Variants in TERT observed in about 807,000 individuals in gnomAD.
The protein encoded by TERT is telomerase reverse transcriptase, also known as telomerase catalytic subunit.
Under a neutral mutation model 104.0 loss-of-function variants are expected in TERT, and 42 were observed. The observed-to-expected ratio is 0.40, with a 90% confidence interval of 0.32 to 0.52. The LOEUF (loss-of-function observed/expected upper bound fraction) is 0.52. Among genes scored for constraint, TERT ranks in the 20% least tolerant of loss-of-function variants. The probability of loss-of-function intolerance (pLI) is 0.43; values close to 1 mark genes in which losing one functional copy is unlikely to be tolerated. For synonymous variants in TERT, 781 were observed against 725.6 expected, an observed-to-expected ratio of 1.08 and a Z score of -1.23; for missense variants, 1,101 against 1,610.3, an observed-to-expected ratio of 0.68 and a Z score of 5.41.
In TERT at chr5:1,275,376, C is replaced by CAA. The variant is rs111367509; in HGVS notation, c.2287-3098_2287-3097dup. 5.3e-3 allele frequency among the ~76,000 whole-genome samples: 584 copies of CAA among 109,610 alleles called. 4 individuals carry two copies. Among genetic ancestry groups the CAA allele is most frequent in the African/African-American group, 0.018 (538 of 29,932 alleles). The allele number at this position is 109,610 out of a possible 152,430, so 71.9% of individuals were successfully genotyped here. On this transcript the variant is annotated intron_variant, in intron 6 of 15. Transcript: ENST00000310581. ...GCAAAAAAGAGCGAGACTCTGTTAT[C>CAA]AAAAAAAAAAAAAAAGAAAGAAAAA...
chr5:1,292,034 A>G lies in TERT; in HGVS notation c.1573+1279T>C, dbSNP rs895861355. Among the ~76,000 whole-genome samples the G allele has an allele frequency of 1.3e-5, 2 of 152,228 alleles. No individual in the cohort carries two copies. The highest frequency in any genetic ancestry group is 2.9e-5 in the Non-Finnish European group (2 of 68,038). On this transcript the variant is annotated intron_variant, in intron 2 of 15. Transcript: ENST00000310581. The surrounding 1 kb of genome is among the most constrained non-coding windows in gnomAD (Gnocchi z 5.5). Reference sequence around the variant, plus strand: ...CGCAGCATTTCAAGCAACCTGCTGTAAACACCGCCGAGTTAGCAATTCTGC... The same window carrying G: ...CGCAGCATTTCAAGCAACCTGCTGTGAACACCGCCGAGTTAGCAATTCTGC...
At chr5:1,291,213 G>A (rs1750914716) in intron 2 of TERT, among the ~76,000 whole-genome samples, 1 of 22,104 alleles carries the variant, frequency 4.5e-5, no homozygotes, top group Non-Finnish European at 7.7e-5. Flanking sequence ...ACGTGACAGG[G>A]ACACCTGGGG....
intron 11 of TERT, 123 bp downstream of exon 11, chr5:1,264,281 G>T: frequency 9.6e-7 from 1 of 1,041,306 alleles, no homozygotes; most frequent in Non-Finnish European, 1.4e-6. Context: ...GCACCCTGTG[G>T]CCTCTGACCC....
At chr5:1,272,140 C>T (rs1246426418) in intron 7 of TERT, 45 bp downstream of exon 7, 12 of 1,472,472 alleles carry the variant, frequency 8.1e-6, no homozygotes, top group Non-Finnish European at 1.1e-5. Flanking sequence ...GGGGAGGACC[C>T]ACTGCTGGGA....
At position 1,270,439 on chromosome 5, in the gene TERT, G is replaced by A. The variant is rs1018021919; in HGVS notation, c.2468+680C>T. Among the ~76,000 whole-genome samples, 2 of 152,184 alleles carry A rather than the reference G, an allele frequency of 1.3e-5. No individual in the cohort carries two copies. Among genetic ancestry groups the A allele is most frequent in the African/African-American group, 2.4e-5 (1 of 41,456 alleles). On this transcript the variant is annotated intron_variant, in intron 8 of 15. Coordinates refer to ENST00000310581, the MANE Select transcript of TERT (RefSeq NM_198253.3). This position sits in a 1 kb window ranked among gnomAD's most constrained non-coding sequence, Gnocchi z 8.3. ...CCAGGCACACACAGGGTCGCAGGCAGATGCCTGCCGGGAGGTGTGTGGTTT... is the reference window on the plus strand; with the variant it reads ...CCAGGCACACACAGGGTCGCAGGCAAATGCCTGCCGGGAGGTGTGTGGTTT...
In TERT at chr5:1,257,806, G is replaced by A. The variant is rs928019242; in HGVS notation, c.3032+792C>T. ...GGTAATTCGCGCAGCCTCGGCCCTG[G>A]GTAACACAAATGCTCACACTCCTTC... On this transcript the variant is annotated intron_variant, in intron 13 of 15. Transcript: ENST00000310581. This position sits in a 1 kb window ranked among gnomAD's most constrained non-coding sequence, Gnocchi z 5.6. Among the ~76,000 whole-genome samples the A allele has an allele frequency of 3.3e-5, 5 of 152,204 alleles. No homozygotes were observed. The highest frequency in any genetic ancestry group is 5.9e-5 in the Non-Finnish European group (4 of 68,040).
rs1455814390 is a variant in TERT at position 1,265,127 on chromosome 5, G to A, written c.2655-535C>T. Among the ~76,000 whole-genome samples the A allele has an allele frequency of 3.9e-5, 6 of 152,310 alleles. No individual in the cohort carries two copies. Among genetic ancestry groups the A allele is most frequent in the African/African-American group, 9.6e-5 (4 of 41,566 alleles). On this transcript the variant is annotated intron_variant, in intron 10 of 15. Transcript: ENST00000310581. The surrounding 1 kb of genome is among the most constrained non-coding windows in gnomAD (Gnocchi z 6.9). ...GGCTGTGAGCTGGGCAACACCAGTC[G>A]TCAGCTTCACGTCAAGGAGGTTCCC...
intron 2 of TERT, among the ~76,000 whole-genome samples, chr5:1,284,888 TCCAGA>T (rs2126658933): frequency 9.3e-6 from 1 of 107,170 alleles, no homozygotes; most frequent in African/African-American, 3.8e-5. Flanking sequence ...GCGACCTCAC[TCCAGA>T]CCTGCACCAT....
Position 1,255,474 on chromosome 5 carries a change from G to A in TERT, c.3033-63C>T, listed in dbSNP as rs186782714. 1.9e-4 allele frequency: 301 copies of A among 1,610,462 alleles called. 1 individual carries two copies. In the East Asian group the frequency reaches 5.1e-3, roughly 27 times the overall value. Reference sequence around the variant, plus strand: ...CTAATCAGACGGTGCTCGTGGGTGTGGGCATGGGCCCACCGGTGCCTGTGT... The same window carrying A: ...CTAATCAGACGGTGCTCGTGGGTGTAGGCATGGGCCCACCGGTGCCTGTGT... On this transcript the variant is annotated intron_variant, in intron 13 of 15. Coordinates refer to ENST00000310581, the MANE Select transcript of TERT (RefSeq NM_198253.3). The surrounding 1 kb of genome is among the most constrained non-coding windows in gnomAD (Gnocchi z 6.9).
chr5:1,293,898 G>T lies in TERT; in HGVS notation c.988C>A (p.His330Asn), dbSNP rs1172004659. Residue 330 changes from histidine (H) to asparagine (N), a missense_variant, in exon 2 of 16, where the codon CAC becomes AAC. Around this residue, in one of 5 missense-constraint regions of TERT, gnomAD observed 504 missense variants for 544.6 expected, o/e 0.93. Transcript: ENST00000310581. Reference protein sequence around the residue: ...PCPPVYAETKHFLYSSGDKEQ... With the variant: ...PCPPVYAETKNFLYSSGDKEQ... ...TTGTCGCCTGAGGAGTAGAGGAAGT[G>T]CTTGGTCTCGGCGTACACCGGGGGA... The T allele has an allele frequency of 6.5e-7, 1 of 1,542,380 alleles. No individual in the cohort carries two copies. Among genetic ancestry groups the T allele is most frequent in the South Asian group, 1.2e-5 (1 of 84,090 alleles).
Position 1,294,264 on chromosome 5 carries a change from T to G in TERT, c.622A>C (p.Arg208=). Residue 208 remains arginine, a synonymous_variant, in exon 2 of 16, where the codon AGG becomes CGG. Coordinates refer to ENST00000310581, the MANE Select transcript of TERT (RefSeq NM_198253.3). ...AGGCCCAGGGGGACCCCGGCCTCCC[T>G]GACGCTATGGTTCCAGGCCCGTTCG... ...GCERAWNHSV[R]EAGVPLGLPA... 1 of 1,592,872 alleles carries G rather than the reference T, an allele frequency of 6.3e-7. No individual in the cohort carries two copies. The highest frequency in any genetic ancestry group is 1.1e-5 in the South Asian group (1 of 89,752).
intron 3 of TERT, among the ~76,000 whole-genome samples, chr5:1,280,965 C>T (rs1229074595): frequency 1.3e-5 from 2 of 152,210 alleles, no homozygotes; most frequent in East Asian, 1.9e-4. Context: ...ACTGGGGCCG[C>T]GGGTGCTCCG....
At position 1,253,555 on chromosome 5, in the gene TERT, C is replaced by G; in HGVS notation, c.*173G>C. 1.5e-6 allele frequency: 1 copy of G among 648,024 alleles called. No individual in the cohort carries two copies. Among genetic ancestry groups the G allele is most frequent in the South Asian group, 1.8e-5 (1 of 55,898 alleles). The allele number at this position is 648,024 out of a possible 1,614,324, so 40.1% of individuals were successfully genotyped here. A position where few individuals can be genotyped will look rare whatever the true frequency, so the allele number is the denominator to read the frequency against. ...GCTGGACACTCGCTCAGGCCTCAGC[C>G]GGACACTCAGCCTTCAGCCGGACAT... is the stretch of plus-strand genomic sequence containing the variant. On this transcript the variant is annotated 3_prime_UTR_variant, in exon 16 of 16. Transcript: ENST00000310581.
At position 1,255,190 on chromosome 5, in the gene TERT, G is replaced by A; in HGVS notation, c.3157+97C>T. 1.3e-6 allele frequency: 2 copies of A among 1,500,892 alleles called. No homozygotes were observed. The highest frequency in any genetic ancestry group is 9.1e-7 in the Non-Finnish European group (1 of 1,099,960). 93.0% of individuals were successfully genotyped at this position (1,500,892 alleles called of 1,614,324 possible). On this transcript the variant is annotated intron_variant, in intron 14 of 15. Coordinates refer to ENST00000310581, the MANE Select transcript of TERT (RefSeq NM_198253.3). The surrounding 1 kb of genome is among the most constrained non-coding windows in gnomAD (Gnocchi z 6.9). ...TAAACCACTTCCTGATGCGAAAAGG[G>A]GTAAGAACTTCCTAAGCCCAGATTC...
At position 1,254,358 on chromosome 5, in the gene TERT, C is replaced by A. The variant is rs376994291; in HGVS notation, c.3295+10G>T. On this transcript the variant is annotated intron_variant, in intron 15 of 15. Transcript: ENST00000310581. The stretch of plus-strand genomic sequence containing the variant: ...AGGTGGGGCCCGCACTGGCCTCCAC[C>A]CACACTTGCCTGTCCTGAGTGACCC... 6.2e-7 allele frequency: 1 copy of A among 1,612,826 alleles called. No individual in the cohort carries two copies. Among genetic ancestry groups the A allele is most frequent in the African/African-American group, 1.3e-5 (1 of 75,038 alleles).
chr5:1,291,928 T>C (rs1751017532), intron 2 of TERT, among the ~76,000 whole-genome samples: 1 of 152,214 alleles, frequency 6.6e-6, no homozygotes, highest in Non-Finnish European at 1.5e-5. Flanking sequence ...GACGCTTATC[T>C]GACTCGGCGT....
rs34923115 is a variant in TERT, at chr5:1,268,721, C to T, written c.2469-88G>A. ...ACCGAGCCACACACAGACACAGAAC[C>T]TCATACACACAAACGACACGTCTAC... On this transcript the variant is annotated intron_variant, in intron 8 of 15. Coordinates refer to ENST00000310581, the MANE Select transcript of TERT (RefSeq NM_198253.3). The surrounding 1 kb of genome is among the most constrained non-coding windows in gnomAD (Gnocchi z 5.5). 7.1e-4 allele frequency: 598 copies of T among 842,008 alleles called. 1 individual carries two copies. The highest frequency in any genetic ancestry group is 1.1e-3 in the Non-Finnish European group (552 of 497,932). 52.2% of individuals were successfully genotyped at this position (842,008 alleles called of 1,614,324 possible).
rs559175388 is a variant in TERT at position 1,274,895 on chromosome 5, A to C, written c.2287-2615T>G. Among the ~76,000 whole-genome samples the C allele has an allele frequency of 6.6e-6, 1 of 152,338 alleles. No individual in the cohort carries two copies. The highest frequency in any genetic ancestry group is 1.9e-4 in the East Asian group (1 of 5,184). The stretch of plus-strand genomic sequence containing the variant: ...AACAAAGCCTAAAGGAAATGGAAGG[A>C]GGCCATCGATAAACAGCAGACACCA... On this transcript the variant is annotated intron_variant, in intron 6 of 15. Coordinates refer to ENST00000310581, the MANE Select transcript of TERT (RefSeq NM_198253.3). The surrounding 1 kb of genome is among the most constrained non-coding windows in gnomAD (Gnocchi z 5.3).
chr5:1,259,558 A>AGG (rs1748042575), intron 12 of TERT, among the ~76,000 whole-genome samples: 1 of 119,486 alleles, frequency 8.4e-6, no homozygotes, highest in African/African-American at 3.3e-5. Context: ...CCCACAGGAG[A>AGG]GGGAGTGGAC....
Sources: gnomAD v4.1 joint callset for allele counts (sites outside exome capture counted in the v4.1 genomes callset) on GRCh38, gnomAD v4.1.1 for gene constraint, gnomAD v4.1.1 regional missense constraint, Gnocchi (gnomAD v3.1) non-coding constraint, MANE v1.5 for transcripts, NCBI Gene and HGNC (gene_info 2026-07-23, HGNC 2026-07-21) for gene names.